ATP8A1: variants seen among roughly 807,000 people sequenced by gnomAD.
ATP8A1 encodes ATPase phospholipid transporting 8A1.
A neutral mutation model predicts 177.7 loss-of-function variants in ATP8A1; 90 were observed. The observed-to-expected ratio is 0.51, with a 90% CI of 0.43 to 0.60. ATP8A1 has a LOEUF of 0.60. ATP8A1 is among the 20% of genes least tolerant of loss of function. ATP8A1 has a pLI of 0.00. For synonymous variants in ATP8A1, 493 were observed against 485.9 expected (o/e 1.01, Z -0.19); for missense variants, 1,072 against 1,392.8 (o/e 0.77, Z 3.67).
At chr4:42,625,558 G>A in intron 3 of ATP8A1, 56 bp downstream of exon 3, 1 of 1,242,398 alleles carries the variant, frequency 8.0e-7, no homozygotes, top group South Asian at 1.5e-5. Context: ...ATTGGTCACG[G>A]GCTTAACATT....
rs1178980495 is a variant in ATP8A1, at chr4:42,610,974, C to A, written c.409+5059G>T. Among the ~76,000 whole-genome samples, 3 of 152,138 alleles carry A rather than the reference C, an allele frequency of 2.0e-5. No homozygotes were observed. The East Asian group carries it at 5.8e-4, about 29-fold the overall frequency. On this transcript the variant is annotated intron_variant, in intron 5 of 36. Transcript: ENST00000381668. ...CAAGAAAGGTGTTGCTATTTTAAGT[C>A]CCTTAGCATAATACATCTCTTTGAA...
At chr4:42,646,191 G>A (rs893860982) in intron 1 of ATP8A1, among the ~76,000 whole-genome samples, 5 of 152,164 alleles carry the variant, frequency 3.3e-5, no homozygotes, top group Admixed American at 6.5e-5. Flanking sequence ...GCATCAAAAC[G>A]GCTCACAAAT....
intron 6 of ATP8A1, 135 bp from the exon 7 acceptor site, chr4:42,591,019 T>C (rs762848224): frequency 6.7e-6 from 5 of 745,314 alleles, no homozygotes; most frequent in Non-Finnish European, 1.1e-5. Context: ...TAAAAACATC[T>C]AATGCCAATT....
intron 24 of ATP8A1, among the ~76,000 whole-genome samples, chr4:42,494,147 G>A (rs1723007783): frequency 9.4e-6 from 1 of 106,352 alleles, no homozygotes; most frequent in Admixed American, 1.5e-4. Context: ...GTTGCAGTGA[G>A]CCAAGATCAT....
intron 22 of ATP8A1, among the ~76,000 whole-genome samples, chr4:42,517,076 T>A (rs544181491): frequency 6.7e-6 from 1 of 150,352 alleles, no homozygotes; most frequent in Non-Finnish European, 1.5e-5. Flanking sequence ...CAAGGGGGGG[T>A]GGATCACGAG....
At chr4:42,462,239 G>C (rs1235391040) in intron 27 of ATP8A1, among the ~76,000 whole-genome samples, 2 of 152,210 alleles carry the variant, frequency 1.3e-5, no homozygotes, top group East Asian at 3.8e-4. Context: ...AAGACAACGG[G>C]GAAAATGTCT....
At chr4:42,577,196 C>A (rs1732552651) in intron 12 of ATP8A1, among the ~76,000 whole-genome samples, 1 of 152,210 alleles carries the variant, frequency 6.6e-6, no homozygotes, top group African/African-American at 2.4e-5. Flanking sequence ...AAGTGATTAT[C>A]TAGCTTACTT....
intron 20 of ATP8A1, among the ~76,000 whole-genome samples, chr4:42,527,176 T>A (rs1726760760): frequency 6.6e-6 from 1 of 152,140 alleles, no homozygotes. Context: ...CTGCCCTGAG[T>A]GAGAGTCTTA....
At chr4:42,533,026 A>C (rs1465305440) in intron 20 of ATP8A1, among the ~76,000 whole-genome samples, 4 of 152,236 alleles carry the variant, frequency 2.6e-5, no homozygotes, top group Non-Finnish European at 5.9e-5. Flanking sequence ...CACCCAGGTG[A>C]AATAAACAGC....
At chr4:42,621,873 A>C (rs1489497176) in intron 4 of ATP8A1, among the ~76,000 whole-genome samples, 1 of 152,216 alleles carries the variant, frequency 6.6e-6, no homozygotes, top group Non-Finnish European at 1.5e-5. Context: ...TGGTACTAGT[A>C]GGAGAACACA....
At chr4:42,441,075 C>G (rs974969349) in intron 33 of ATP8A1, among the ~76,000 whole-genome samples, 2 of 152,152 alleles carry the variant, frequency 1.3e-5, no homozygotes, top group Admixed American at 6.5e-5. Flanking sequence ...TGCAGAACGG[C>G]CTCAAGTTCT....
At position 42,411,595 on chromosome 4, in the gene ATP8A1, A is replaced by T. The variant is rs936974646; in HGVS notation, c.*1321T>A. The T allele has an allele frequency of 6.6e-6, 1 of 152,250 alleles. No individual in the cohort carries two copies. The highest frequency in any genetic ancestry group is 1.5e-5 in the Non-Finnish European group (1 of 68,046). 9.4% of individuals were successfully genotyped at this position (152,250 alleles called of 1,614,324 possible). A position where few individuals can be genotyped will look rare whatever the true frequency, so the allele number is the denominator to read the frequency against. ...CTTCATTTACTGTTGGTAGCAAAAT[A>T]GCCATTTTCAGATGTCTTGTAAATG... is the stretch of plus-strand genomic sequence containing the variant. On this transcript the variant is annotated 3_prime_UTR_variant, in exon 37 of 37. Coordinates refer to ENST00000381668, the MANE Select transcript of ATP8A1 (RefSeq NM_006095.2).
chr4:42,479,138 G>T (rs781632842), intron 25 of ATP8A1, among the ~76,000 whole-genome samples: 8 of 152,174 alleles, frequency 5.3e-5, no homozygotes, highest in Non-Finnish European at 1.2e-4. Context: ...AATTTAAGCA[G>T]CAGTGGTTTT....
chr4:42,508,307 A>G lies in ATP8A1; in HGVS notation c.1948-1153T>C, dbSNP rs1578074182. ...GCCACCACACTGGGCTAATTTGCGTATAAGACGGGGTTTCACCATGTTAGC... is the reference window on the plus strand; with the variant it reads ...GCCACCACACTGGGCTAATTTGCGTGTAAGACGGGGTTTCACCATGTTAGC... On this transcript the variant is annotated intron_variant, in intron 22 of 36. Coordinates refer to ENST00000381668, the MANE Select transcript of ATP8A1 (RefSeq NM_006095.2). Among the ~76,000 whole-genome samples the G allele has an allele frequency of 2.0e-5, 3 of 152,126 alleles. 1 individual carries two copies. Among genetic ancestry groups the G allele is most frequent in the Admixed American group, 2.0e-4 (3 of 15,288 alleles).
chr4:42,624,584 G>A lies in ATP8A1; in HGVS notation c.315C>T (p.Leu105=). Residue 105 remains leucine (L), a synonymous_variant, in exon 4 of 37, where the codon CTC becomes CTT. Transcript: ENST00000381668. ...TAGCTGCCACAGCTAAAATAAATAAGAGAGGAACCAGTGTTGTATAACGAC... is the reference window on the plus strand; with the variant it reads ...TAGCTGCCACAGCTAAAATAAATAAAAGAGGAACCAGTGTTGTATAACGAC... ...PTGRYTTLVP[L]LFILAVAAIK... The A allele has an allele frequency of 6.7e-7, 1 of 1,495,662 alleles. No individual in the cohort carries two copies. The highest frequency in any genetic ancestry group is 8.9e-7 in the Non-Finnish European group (1 of 1,121,300). The allele number at this position is 1,495,662 out of a possible 1,614,324, so 92.6% of individuals were successfully genotyped here.
intron 24 of ATP8A1, 86 bp from the exon 25 acceptor site, chr4:42,485,754 T>A: frequency 9.7e-7 from 1 of 1,030,742 alleles, no homozygotes; most frequent in East Asian, 2.6e-5. Context: ...GGCAACTACA[T>A]TTAGTTATTT....
intron 33 of ATP8A1, 63 bp downstream of exon 33, chr4:42,443,502 G>A (rs778269282): frequency 1.7e-4 from 126 of 736,548 alleles, no homozygotes; most frequent in Middle Eastern, 9.5e-4. Flanking sequence ...AAACGATTAA[G>A]GTTTGCTAAA....
intron 9 of ATP8A1, among the ~76,000 whole-genome samples, chr4:42,583,034 A>G (rs1433103264): frequency 2.0e-5 from 3 of 152,250 alleles, no homozygotes; most frequent in Admixed American, 6.5e-5. Context: ...ACAATTCCAC[A>G]AGAAAAGTCG....
At chr4:42,647,256 G>A (rs1441528463) in intron 1 of ATP8A1, among the ~76,000 whole-genome samples, 1 of 152,056 alleles carries the variant, frequency 6.6e-6, no homozygotes, top group Non-Finnish European at 1.5e-5. Flanking sequence ...TTGAGCTATG[G>A]GTTTCCATCA....
Sources: allele counts gnomAD v4.1 joint callset (sites outside exome capture counted in the v4.1 genomes callset), GRCh38; gene constraint gnomAD v4.1.1; transcripts MANE v1.5; gene names NCBI Gene and HGNC (gene_info 2026-07-23, HGNC 2026-07-21).